ARHGEF3: variants seen among roughly 807,000 people sequenced by gnomAD.
ARHGEF3 encodes the protein Rho guanine nucleotide exchange factor 3.
A neutral mutation model predicts 63.2 loss-of-function variants in ARHGEF3; 28 were observed. The observed-to-expected ratio is 0.44, with a 90% CI of 0.33 to 0.61. The LOEUF is 0.61. ARHGEF3 is among the 20% of genes least tolerant of loss of function. ARHGEF3 has a pLI of 0.03. For missense variants in ARHGEF3, 533 were observed against 659.3 expected (o/e 0.81, Z 2.10); for synonymous variants, 266 against 254.2 (o/e 1.05, Z -0.44).
At chr3:56,943,227 A>G (rs1001713896) in intron 3 of ARHGEF3, among the ~76,000 whole-genome samples, 2 of 152,232 alleles carry the variant, frequency 1.3e-5, no homozygotes, top group African/African-American at 4.8e-5. Context: ...TTCAAAGGAC[A>G]GAATGACTTT....
intron 4 of ARHGEF3, among the ~76,000 whole-genome samples, chr3:56,820,100 G>A (rs2038423133): frequency 6.6e-6 from 1 of 152,204 alleles, no homozygotes; most frequent in Non-Finnish European, 1.5e-5. Flanking sequence ...GTGAGCCACT[G>A]CACTCAGCCT....
intron 4 of ARHGEF3, among the ~76,000 whole-genome samples, chr3:56,865,799 C>T (rs2040230216): frequency 6.6e-6 from 1 of 152,184 alleles, no homozygotes; most frequent in African/African-American, 2.4e-5. Flanking sequence ...AGAAGAGGAC[C>T]CTCACCAGAA....
chr3:57,021,399 T>C (rs1181280965), intron 2 of ARHGEF3, among the ~76,000 whole-genome samples: 4 of 152,150 alleles, frequency 2.6e-5, no homozygotes, highest in African/African-American at 7.2e-5. Context: ...AGGGAAACAT[T>C]AGCGCACTCC....
chr3:56,890,511 T>C (rs1175105099), intron 3 of ARHGEF3, among the ~76,000 whole-genome samples: 1 of 152,236 alleles, frequency 6.6e-6, no homozygotes, highest in East Asian at 1.9e-4. Context: ...ATAATTATTT[T>C]GTTGTTATTT....
chr3:57,020,806 C>T lies in ARHGEF3; in HGVS notation c.62+14282G>A, dbSNP rs536324919. ...TCCATTCCTGTGGGCCATTACATTC[C>T]CTATGGAGCTTGATCCTGAATGAAC... On this transcript the variant is annotated intron_variant, in intron 2 of 12. Coordinates refer to the ARHGEF3 transcript ENST00000338458. Among the ~76,000 whole-genome samples the T allele has an allele frequency of 2.9e-4, 44 of 152,336 alleles. No homozygotes were observed. The Middle Eastern group carries it at 0.031, about 106-fold the overall frequency.
chr3:56,797,573 A>G (rs1283175008), intron 1 of ARHGEF3, among the ~76,000 whole-genome samples: 1 of 152,218 alleles, frequency 6.6e-6, no homozygotes, highest in Admixed American at 6.5e-5. Flanking sequence ...TATCTGTTCA[A>G]TACAATAAGA....
chr3:57,035,419 A>G (rs1703910958), intron 1 of ARHGEF3, among the ~76,000 whole-genome samples: 1 of 152,114 alleles, frequency 6.6e-6, no homozygotes, highest in Non-Finnish European at 1.5e-5. Flanking sequence ...GCACAATCTC[A>G]GCTCACTGCA....
At chr3:57,022,124 T>C (rs945311801) in intron 2 of ARHGEF3, among the ~76,000 whole-genome samples, 2 of 151,854 alleles carry the variant, frequency 1.3e-5, no homozygotes, top group African/African-American at 4.8e-5. Context: ...ATTTTAAAAA[T>C]TTAGCCGGGC....
chr3:56,812,528 T>C (rs978796853), intron 4 of ARHGEF3, among the ~76,000 whole-genome samples: 9 of 152,262 alleles, frequency 5.9e-5, no homozygotes, highest in Non-Finnish European at 1.2e-4. Flanking sequence ...CTTTAAAGGT[T>C]ATTTCTTTCA....
At chr3:57,031,238 T>C (rs983071781) in intron 2 of ARHGEF3, among the ~76,000 whole-genome samples, 2 of 152,212 alleles carry the variant, frequency 1.3e-5, no homozygotes, top group Non-Finnish European at 2.9e-5. Context: ...TGCAGTCCAA[T>C]AGGTGAAAGA....
intron 1 of ARHGEF3, among the ~76,000 whole-genome samples, chr3:57,054,515 G>A (rs1227926750): frequency 2.0e-5 from 3 of 151,382 alleles, no homozygotes; most frequent in Non-Finnish European, 2.9e-5. Context: ...GTGCATGCCT[G>A]TGGTACCAGC....
At position 56,801,942 on chromosome 3, in the gene ARHGEF3, A is replaced by G. The variant is rs1241057650; in HGVS notation, c.-144T>C. 6.7e-7 allele frequency: 1 copy of G among 1,496,786 alleles called. No homozygotes were observed. Among genetic ancestry groups the G allele is most frequent in the Non-Finnish European group, 8.9e-7 (1 of 1,122,138 alleles). The allele number at this position is 1,496,786 out of a possible 1,614,324, so 92.7% of individuals were successfully genotyped here. ...GACAGCCGGCTTCTAGCCGGGCAGG[A>G]CTCGACTGGGCTCCGGAGCCGAGTG... is the stretch of plus-strand genomic sequence containing the variant. On this transcript the variant is annotated 5_prime_UTR_variant, in exon 1 of 10. Transcript: ENST00000296315.
chr3:56,781,774 T>C lies in ARHGEF3; in HGVS notation c.97-7958A>G, dbSNP rs1578496948. The stretch of plus-strand genomic sequence containing the variant: ...ATTCTTCTTAGCCCAATTTAGGGAG[T>C]GTTTACTCAGTATGTGCAAAGTGGC... On this transcript the variant is annotated intron_variant, in intron 1 of 9. Transcript: ENST00000296315. Among the ~76,000 whole-genome samples, 4 of 152,114 alleles carry C rather than the reference T, an allele frequency of 2.6e-5. No homozygotes were observed. The East Asian group carries it at 7.7e-4, about 29-fold the overall frequency.
At chr3:57,007,162 T>C in intron 2 of ARHGEF3, 2 of 1,254,144 alleles carry the variant, frequency 1.6e-6, no homozygotes, top group Non-Finnish European at 2.1e-6. Flanking sequence ...AAAGAATTAA[T>C]AAATAAGGTG....
chr3:57,003,328 G>A (rs1247042316), intron 2 of ARHGEF3, among the ~76,000 whole-genome samples: 1 of 149,490 alleles, frequency 6.7e-6, no homozygotes. Context: ...GCTTGAACCC[G>A]GGAGGTGGAG....
chr3:57,059,246 C>T (rs1479601969), intron 1 of ARHGEF3, among the ~76,000 whole-genome samples: 1 of 151,778 alleles, frequency 6.6e-6, no homozygotes, highest in Non-Finnish European at 1.5e-5. Flanking sequence ...TTCATAAGCA[C>T]AGGGAAAAAA....
chr3:56,979,060 G>T (rs1370996046), intron 2 of ARHGEF3, among the ~76,000 whole-genome samples: 2 of 152,234 alleles, frequency 1.3e-5, no homozygotes, highest in East Asian at 3.8e-4. Flanking sequence ...GAAGACTGAG[G>T]TGGGAGGATG....
At chr3:57,049,882 C>T (rs778427064) in intron 1 of ARHGEF3, among the ~76,000 whole-genome samples, 2 of 152,198 alleles carry the variant, frequency 1.3e-5, no homozygotes, top group Non-Finnish European at 2.9e-5. Flanking sequence ...CCTGCAAGGG[C>T]ACTACATTAA....
At chr3:57,039,431 G>A (rs886139400) in intron 1 of ARHGEF3, among the ~76,000 whole-genome samples, 2 of 152,136 alleles carry the variant, frequency 1.3e-5, no homozygotes, top group Non-Finnish European at 2.9e-5. Context: ...TCCTAGGTAC[G>A]CACGTGCACC....
Sources: allele counts gnomAD v4.1 joint callset (sites outside exome capture counted in the v4.1 genomes callset), GRCh38; gene constraint gnomAD v4.1.1; transcripts MANE v1.5; gene names NCBI Gene and HGNC (gene_info 2026-07-23, HGNC 2026-07-21).